RALGAPA1: variants seen among roughly 807,000 people sequenced by gnomAD.
The protein encoded by RALGAPA1 is Ral GTPase activating protein catalytic subunit alpha 1, also known as ral GTPase-activating protein subunit alpha-1.
RALGAPA1 carries 52 observed loss-of-function variants against 269.6 expected under a neutral mutation model. The observed-to-expected ratio is 0.19, with a 90% confidence interval of 0.15 to 0.24. The LOEUF (loss-of-function observed/expected upper bound fraction) is 0.24. Ranked by LOEUF, RALGAPA1 falls within the 10% of genes least tolerant of loss-of-function variation. The pLI is 1.00. For synonymous variants in RALGAPA1, 817 were observed against 1,008.3 expected (o/e 0.81, Z 3.60); for missense variants, 1,917 against 3,013.9 (o/e 0.64, Z 8.52).
At chr14:35,759,566 G>A (rs941953380) in intron 6 of RALGAPA1, among the ~76,000 whole-genome samples, 37 of 149,734 alleles carry the variant, frequency 2.5e-4, no homozygotes, top group Non-Finnish European at 4.3e-4. Context: ...AACAGGATTC[G>A]TACACGAAGA....
chr14:35,739,231 A>G (rs1300472432), intron 11 of RALGAPA1, among the ~76,000 whole-genome samples: 1 of 152,320 alleles, frequency 6.6e-6, no homozygotes, highest in East Asian at 1.9e-4. Flanking sequence ...TTCTCTTTTT[A>G]AAGTGTCCCT....
intron 39 of RALGAPA1, among the ~76,000 whole-genome samples, chr14:35,570,259 A>T (rs1170796601): frequency 6.7e-6 from 1 of 148,376 alleles, no homozygotes; most frequent in Non-Finnish European, 1.5e-5. Flanking sequence ...GACAAAAGTG[A>T]GACTCCATCT....
At chr14:35,699,092 A>G (rs778444882) in intron 17 of RALGAPA1, among the ~76,000 whole-genome samples, 1 of 152,186 alleles carries the variant, frequency 6.6e-6, no homozygotes, top group African/African-American at 2.4e-5. Context: ...GTTTGAATTG[A>G]GGCCAATTTT....
At chr14:35,673,159 T>C (rs1472220547) in intron 24 of RALGAPA1, 137 bp from the exon 25 acceptor site, 18 of 965,538 alleles carry the variant, frequency 1.9e-5, no homozygotes, top group Non-Finnish European at 2.5e-5. Context: ...GAACTAAAAT[T>C]CAGGATTAGT....
chr14:35,775,654 T>C lies in RALGAPA1; in HGVS notation c.198A>G (p.Glu66=). 2 of 1,575,940 alleles carry C rather than the reference T, an allele frequency of 1.3e-6. No homozygotes were observed. The highest frequency in any genetic ancestry group is 1.4e-5 in the African/African-American group (1 of 72,052). The change falls in exon 2 of 42, where the codon GAA becomes GAG. Residue 66 remains glutamate (E), a synonymous_variant. Coordinates refer to ENST00000680220, the MANE Select transcript of RALGAPA1 (RefSeq NM_001346249.2). ...YVFFENFVTI[E]ASLKQKGHKS... is the part of the protein sequence containing the mutation. Reference sequence around the variant, plus strand: ...TCTTACCTTTCTGTTTAAGACTAGCTTCAATAGTCACAAAATTTTCAAAGA... The same window carrying C: ...TCTTACCTTTCTGTTTAAGACTAGCCTCAATAGTCACAAAATTTTCAAAGA...
At chr14:35,769,242 T>C (rs1768397818) in intron 4 of RALGAPA1, among the ~76,000 whole-genome samples, 2 of 151,464 alleles carry the variant, frequency 1.3e-5, no homozygotes, top group Non-Finnish European at 1.5e-5. Context: ...AAATCAAGGA[T>C]GAAAGCGGAT....
chr14:35,748,755 T>C lies in RALGAPA1; in HGVS notation c.1081A>G (p.Thr361Ala), dbSNP rs752032223. The C allele has an allele frequency of 2.5e-6, 4 of 1,613,062 alleles. No homozygotes were observed. Among genetic ancestry groups the C allele is most frequent in the Non-Finnish European group, 3.4e-6 (4 of 1,179,806 alleles). The change falls in exon 10 of 42, where the codon ACA becomes GCA. Residue 361 changes from threonine to alanine, a missense_variant. Around this residue, in one of 11 missense-constraint regions of RALGAPA1, gnomAD observed 462 missense variants for 725.6 expected, o/e 0.64. Transcript: ENST00000680220. ...NDNADKTDRT[T>A]EPEQSHSNTS... ...TTGGAATGAGACTGTTCGGGTTCTG[T>C]AGTTCTGTCTGTTTTATCAGCATTA...
chr14:35,767,276 G>A (rs1008466326), intron 4 of RALGAPA1, among the ~76,000 whole-genome samples: 8 of 152,082 alleles, frequency 5.3e-5, no homozygotes, highest in Non-Finnish European at 1.0e-4. Context: ...TATACAACAT[G>A]CTAAAATTTA....
intron 41 of RALGAPA1, among the ~76,000 whole-genome samples, chr14:35,544,167 C>A (rs2054258139): frequency 6.6e-6 from 1 of 152,094 alleles, no homozygotes; most frequent in African/African-American, 2.4e-5. Context: ...TAGTTTGATT[C>A]CAAAGCTCAT....
intron 4 of RALGAPA1, among the ~76,000 whole-genome samples, chr14:35,765,511 ATTTG>A (rs1442068383): frequency 6.6e-6 from 1 of 152,050 alleles, no homozygotes; most frequent in Non-Finnish European, 1.5e-5. Context: ...TAACAAATTT[ATTTG>A]TTTGAGACAG....
At chr14:35,663,799 G>A (rs1460351916) in intron 27 of RALGAPA1, among the ~76,000 whole-genome samples, 5 of 151,926 alleles carry the variant, frequency 3.3e-5, no homozygotes, top group Admixed American at 3.3e-4. Flanking sequence ...CACCGTGTTA[G>A]CCAGGATGGT....
At chr14:35,666,798 ATT>A (rs1369541203) in intron 26 of RALGAPA1, among the ~76,000 whole-genome samples, 1 of 152,222 alleles carries the variant, frequency 6.6e-6, no homozygotes, top group African/African-American at 2.4e-5. Context: ...TTAGGGCTTA[ATT>A]CTCTTACAGA....
At chr14:35,758,032 T>C (rs1033677756) in intron 6 of RALGAPA1, among the ~76,000 whole-genome samples, 1 of 152,118 alleles carries the variant, frequency 6.6e-6, no homozygotes, top group African/African-American at 2.4e-5. Context: ...GTGGATCATC[T>C]GAGGTCAGGA....
chr14:35,731,821 AAT>A (rs1412879440), intron 12 of RALGAPA1, among the ~76,000 whole-genome samples: 1 of 152,222 alleles, frequency 6.6e-6, no homozygotes. Context: ...TTAGGGGAAT[AAT>A]CAAGGAAAGC....
chr14:35,742,713 A>T, intron 10 of RALGAPA1, 148 bp from the exon 11 acceptor site: 1 of 651,768 alleles, frequency 1.5e-6, no homozygotes, highest in South Asian at 1.8e-5. Flanking sequence ...TCATTTTGCC[A>T]TAAGCTAATT....
At chr14:35,574,050 A>C (rs1298014483) in intron 37 of RALGAPA1, among the ~76,000 whole-genome samples, 1 of 152,220 alleles carries the variant, frequency 6.6e-6, no homozygotes, top group African/African-American at 2.4e-5. Flanking sequence ...GGCTATACTG[A>C]GATTTCCAAA....
At chr14:35,702,842 C>A (rs1333177751) in intron 16 of RALGAPA1, among the ~76,000 whole-genome samples, 2 of 151,146 alleles carry the variant, frequency 1.3e-5, no homozygotes, top group African/African-American at 4.9e-5. Context: ...TGGTTTCATG[C>A]CATTCTCCTG....
At chr14:35,690,649 C>A (rs1051905465) in intron 17 of RALGAPA1, among the ~76,000 whole-genome samples, 1 of 152,120 alleles carries the variant, frequency 6.6e-6, no homozygotes, top group Admixed American at 6.5e-5. Flanking sequence ...CAATTGTATT[C>A]TTTTGTTTTT....
chr14:35,752,207 C>A (rs1209098434), intron 7 of RALGAPA1, 45 bp from the exon 8 acceptor site: 2 of 1,443,752 alleles, frequency 1.4e-6, no homozygotes, highest in East Asian at 5.0e-5. Flanking sequence ...AAGAAAGAAT[C>A]TCTTAAATGC....
Sources: allele counts gnomAD v4.1 joint callset (sites outside exome capture counted in the v4.1 genomes callset), GRCh38; gene constraint gnomAD v4.1.1; regional missense constraint gnomAD v4.1.1; transcripts MANE v1.5; gene names NCBI Gene and HGNC (gene_info 2026-07-23, HGNC 2026-07-21).